Variants in ST7 observed in about 807,000 individuals in gnomAD.
The protein encoded by ST7 is suppressor of tumorigenicity 7 protein.
ST7 carries 28 observed loss-of-function variants against 78.7 expected under a neutral mutation model. That is an observed-to-expected ratio of 0.36 (90% confidence interval 0.26 to 0.49). The LOEUF is 0.49. Among genes scored for constraint, ST7 ranks in the 20% least tolerant of loss-of-function variants. ST7 has a pLI of 0.99. For synonymous variants in ST7, 247 were observed against 249.6 expected, an observed-to-expected ratio of 0.99 and a Z score of 0.10; for missense variants, 418 against 696.0, an observed-to-expected ratio of 0.60 and a Z score of 4.49.
At chr7:117,174,586 C>A (rs2117288121) in intron 10 of ST7, among the ~76,000 whole-genome samples, 1 of 152,080 alleles carries the variant, frequency 6.6e-6, no homozygotes, top group East Asian at 1.9e-4. Context: ...CGGAGGTGGT[C>A]TCACTCCAGA....
chr7:117,210,970 T>C (rs1792240851), intron 13 of ST7, among the ~76,000 whole-genome samples: 1 of 152,220 alleles, frequency 6.6e-6, no homozygotes, highest in Non-Finnish European at 1.5e-5. Context: ...AGTGTCTTTT[T>C]AATCCTTTCA....
At chr7:117,060,244 G>T (rs1798280993) in intron 1 of ST7, among the ~76,000 whole-genome samples, 1 of 152,142 alleles carries the variant, frequency 6.6e-6, no homozygotes, top group Non-Finnish European at 1.5e-5. Flanking sequence ...GAGTCTATGG[G>T]TAATGGAGAT....
At chr7:117,047,654 T>G (rs1405821384) in intron 1 of ST7, among the ~76,000 whole-genome samples, 1 of 152,228 alleles carries the variant, frequency 6.6e-6, no homozygotes, top group African/African-American at 2.4e-5. Flanking sequence ...AGATGTAATG[T>G]GAAATCTGTG....
intron 1 of ST7, among the ~76,000 whole-genome samples, chr7:117,085,031 G>A (rs934949893): frequency 3.9e-5 from 6 of 152,066 alleles, no homozygotes; most frequent in South Asian, 2.1e-4. Flanking sequence ...CAGTCCTGGC[G>A]CTTGTTCCTA....
At chr7:117,194,429 C>T (rs1462578003) in intron 12 of ST7, among the ~76,000 whole-genome samples, 1 of 152,192 alleles carries the variant, frequency 6.6e-6, no homozygotes, top group Non-Finnish European at 1.5e-5. Flanking sequence ...CATTAAGAGT[C>T]ATTAGGAAGC....
intron 1 of ST7, among the ~76,000 whole-genome samples, chr7:116,979,818 G>A (rs765446799): frequency 1.1e-4 from 17 of 151,914 alleles, no homozygotes; most frequent in African/African-American, 1.7e-4. Context: ...GCCTTCTACC[G>A]TGAGCGCCAC....
chr7:117,174,171 A>G (rs1808197492), intron 10 of ST7, among the ~76,000 whole-genome samples: 1 of 152,162 alleles, frequency 6.6e-6, no homozygotes, highest in Non-Finnish European at 1.5e-5. Flanking sequence ...GTATTAGTCT[A>G]AAATACTATA....
intron 10 of ST7, among the ~76,000 whole-genome samples, chr7:117,185,116 T>C (rs1201979342): frequency 6.6e-6 from 1 of 152,212 alleles, no homozygotes; most frequent in East Asian, 1.9e-4. Flanking sequence ...CATCAGTTCC[T>C]GCCTGTGGTT....
intron 1 of ST7, among the ~76,000 whole-genome samples, chr7:117,008,189 A>G (rs762063555): frequency 6.6e-6 from 1 of 152,222 alleles, no homozygotes; most frequent in Non-Finnish European, 1.5e-5. Context: ...AGCGTAACTC[A>G]TTACAGAATT....
intron 13 of ST7, among the ~76,000 whole-genome samples, chr7:117,213,943 G>A (rs947784240): frequency 1.3e-5 from 2 of 152,132 alleles, no homozygotes; most frequent in Non-Finnish European, 2.9e-5. Context: ...GAAGGGTCTC[G>A]TTTGAACTGA....
At chr7:117,145,655 T>G (rs890552655) in intron 9 of ST7, 3 of 152,172 alleles carry the variant, frequency 2.0e-5, no homozygotes, top group African/African-American at 7.2e-5. Context: ...TCATCTTAAG[T>G]TGATTGTTTC....
chr7:117,218,226 G>C (rs1792837700), intron 13 of ST7, among the ~76,000 whole-genome samples: 1 of 152,166 alleles, frequency 6.6e-6, no homozygotes, highest in Non-Finnish European at 1.5e-5. Flanking sequence ...CCAGAGTAGG[G>C]TAGAGCTTTT....
chr7:116,980,122 C>T (rs1367820720), intron 1 of ST7, among the ~76,000 whole-genome samples: 3 of 151,796 alleles, frequency 2.0e-5, no homozygotes, highest in Non-Finnish European at 4.4e-5. Context: ...CAACTCCCGG[C>T]GAATTTTTGC....
Position 116,960,220 on chromosome 7 carries a change from C to T in ST7, c.151+6529C>T, listed in dbSNP as rs140977950. Among the ~76,000 whole-genome samples, 779 of 151,986 alleles carry T rather than the reference C, an allele frequency of 5.1e-3. 6 individuals carry two copies. Among genetic ancestry groups the T allele is most frequent in the African/African-American group, 0.018 (739 of 41,448 alleles). Reference sequence around the variant, plus strand: ...TTTTTTTGTTTTTAAGACAGAGTCTCGCTCTGTTGCCCAGGCTGGAGTGCA... The same window carrying T: ...TTTTTTTGTTTTTAAGACAGAGTCTTGCTCTGTTGCCCAGGCTGGAGTGCA... On this transcript the variant is annotated intron_variant, in intron 1 of 15. Transcript: ENST00000323984.
At chr7:117,223,837 C>G in intron 15 of ST7, 8 of 510,258 alleles carry the variant, frequency 1.6e-5, no homozygotes, top group Non-Finnish European at 2.0e-5. Context: ...TTCATTATCT[C>G]TGTATCCCCA....
intron 1 of ST7, chr7:116,956,510 A>G (rs1383445942): frequency 4.2e-6 from 2 of 471,030 alleles, no homozygotes; most frequent in Non-Finnish European, 8.8e-6. Flanking sequence ...GGAGTTGCAG[A>G]TGGCGCAGGC....
chr7:117,136,061 G>A lies in ST7; in HGVS notation c.711-20G>A, dbSNP rs896854935. On this transcript the variant is annotated intron_variant, in intron 7 of 15. Transcript: ENST00000323984. ...GTCCTTGGCTTTGTAATTGATGGTGGCTATTATCTGAATGAACAGGTGTGC... is the reference window on the plus strand; with the variant it reads ...GTCCTTGGCTTTGTAATTGATGGTGACTATTATCTGAATGAACAGGTGTGC... 2 of 1,611,332 alleles carry A rather than the reference G, an allele frequency of 1.2e-6. No individual in the cohort carries two copies. Among genetic ancestry groups the A allele is most frequent in the East Asian group, 4.5e-5 (2 of 44,840 alleles).
chr7:117,131,167 G>A (rs1433801027), intron 5 of ST7, among the ~76,000 whole-genome samples: 1 of 151,596 alleles, frequency 6.6e-6, no homozygotes, highest in African/African-American at 2.4e-5. Flanking sequence ...TTTATTCAAA[G>A]TAAATAGGTG....
chr7:117,089,821 C>T (rs999761307), intron 1 of ST7, among the ~76,000 whole-genome samples: 6 of 152,076 alleles, frequency 3.9e-5, no homozygotes, highest in East Asian at 1.9e-4. Flanking sequence ...CCTCCCGCCT[C>T]GGCCTCCCAA....
Sources: gnomAD v4.1 joint callset for allele counts (sites outside exome capture counted in the v4.1 genomes callset) on GRCh38, gnomAD v4.1.1 for gene constraint, MANE v1.5 for transcripts, NCBI Gene and HGNC (gene_info 2026-07-23, HGNC 2026-07-21) for gene names.